GRHL2: variants seen among roughly 807,000 people sequenced by gnomAD.
GRHL2 encodes the protein grainyhead-like protein 2 homolog.
Under a neutral mutation model 83.8 loss-of-function variants are expected in GRHL2, and 21 were observed. That is an observed-to-expected ratio of 0.25 (90% CI 0.18 to 0.36). GRHL2 has a LOEUF of 0.36. Ranked by LOEUF, GRHL2 falls within the 10% of genes least tolerant of loss-of-function variation. The probability of loss-of-function intolerance (pLI) is 1.00; values close to 1 mark genes in which losing one functional copy is unlikely to be tolerated. For missense variants in GRHL2, 623 were observed against 781.8 expected, an observed-to-expected ratio of 0.80 and a Z score of 2.42; for synonymous variants, 280 against 278.9, an observed-to-expected ratio of 1.00 and a Z score of -0.04.
chr8:101,544,557 T>A (rs1291395316), intron 2 of GRHL2, among the ~76,000 whole-genome samples: 1 of 152,214 alleles, frequency 6.6e-6, no homozygotes, highest in African/African-American at 2.4e-5. Context: ...TTGACCAGTA[T>A]TTACTGAATG....
At chr8:101,504,517 C>T (rs968298128) in intron 1 of GRHL2, among the ~76,000 whole-genome samples, 3 of 152,060 alleles carry the variant, frequency 2.0e-5, no homozygotes, top group Non-Finnish European at 2.9e-5. Flanking sequence ...CCTCAGACCC[C>T]GCCTGAATGT....
intron 12 of GRHL2, among the ~76,000 whole-genome samples, chr8:101,642,762 G>A (rs1205144530): frequency 6.6e-6 from 1 of 152,136 alleles, no homozygotes; most frequent in Non-Finnish European, 1.5e-5. Flanking sequence ...ATTATCTCAG[G>A]GTTATTGAAT....
chr8:101,644,656 C>G (rs1813473035), intron 13 of GRHL2, among the ~76,000 whole-genome samples: 1 of 152,172 alleles, frequency 6.6e-6, no homozygotes, highest in Non-Finnish European at 1.5e-5. Context: ...AGTCAAAGGT[C>G]TTATTCTGCT....
At chr8:101,612,022 G>T (rs371326619) in intron 8 of GRHL2, among the ~76,000 whole-genome samples, 1 of 150,766 alleles carries the variant, frequency 6.6e-6, no homozygotes, top group Non-Finnish European at 1.5e-5. Flanking sequence ...CGCTCGCTCT[G>T]TCACCTAGGC....
chr8:101,562,811 A>T (rs1811635299), intron 4 of GRHL2, among the ~76,000 whole-genome samples: 1 of 152,154 alleles, frequency 6.6e-6, no homozygotes, highest in Non-Finnish European at 1.5e-5. Flanking sequence ...GATGGGGGTC[A>T]TTGGTTCTCT....
intron 8 of GRHL2, among the ~76,000 whole-genome samples, chr8:101,602,176 T>A (rs180925098): frequency 6.6e-6 from 1 of 152,368 alleles, no homozygotes; most frequent in East Asian, 1.9e-4. Flanking sequence ...ATTTTTTTTG[T>A]CTGCGGAGCC....
intron 5 of GRHL2, 129 bp downstream of exon 5, chr8:101,570,523 A>C (rs1811800562): frequency 1.2e-6 from 1 of 811,944 alleles, no homozygotes; most frequent in Non-Finnish European, 2.1e-6. Flanking sequence ...CCTTTGCCTC[A>C]GTGCTTTTTT....
At chr8:101,651,311 A>C (rs779164049) in intron 14 of GRHL2, among the ~76,000 whole-genome samples, 15 of 152,238 alleles carry the variant, frequency 9.9e-5, no homozygotes. Context: ...GCTTAAATGC[A>C]TATTCTCTGA....
At chr8:101,565,229 A>G (rs985500190) in intron 4 of GRHL2, among the ~76,000 whole-genome samples, 12 of 152,236 alleles carry the variant, frequency 7.9e-5, no homozygotes, top group African/African-American at 2.9e-4. Flanking sequence ...TAAATATACA[A>G]TGGAGTGGTA....
chr8:101,634,965 G>T (rs963995429), intron 11 of GRHL2, among the ~76,000 whole-genome samples: 1 of 152,114 alleles, frequency 6.6e-6, no homozygotes, highest in Non-Finnish European at 1.5e-5. Flanking sequence ...GCCTTTAAAG[G>T]TCATGAGATT....
At chr8:101,588,650 C>G (rs1220446769) in intron 7 of GRHL2, among the ~76,000 whole-genome samples, 1 of 152,182 alleles carries the variant, frequency 6.6e-6, no homozygotes, top group Non-Finnish European at 1.5e-5. Flanking sequence ...GCTTGTAGTT[C>G]AAATTTAGTG....
At chr8:101,661,406 G>C (rs1813918259) in intron 14 of GRHL2, among the ~76,000 whole-genome samples, 1 of 152,034 alleles carries the variant, frequency 6.6e-6, no homozygotes, top group Admixed American at 6.6e-5. Context: ...ACTAGTTCCA[G>C]GACACCTCCC....
At chr8:101,620,329 C>T (rs564800107) in intron 9 of GRHL2, among the ~76,000 whole-genome samples, 41 of 152,230 alleles carry the variant, frequency 2.7e-4, no homozygotes, top group African/African-American at 9.6e-4. Flanking sequence ...ATACATTGTG[C>T]TATAAGTTTG....
chr8:101,576,055 C>T (rs776943047), intron 6 of GRHL2, among the ~76,000 whole-genome samples: 4 of 152,248 alleles, frequency 2.6e-5, no homozygotes, highest in Admixed American at 6.5e-5. Context: ...CATGTATTTG[C>T]TGTCTGTTAT....
chr8:101,560,119 C>A (rs1176657915), intron 4 of GRHL2, among the ~76,000 whole-genome samples: 1 of 152,100 alleles, frequency 6.6e-6, no homozygotes, highest in Non-Finnish European at 1.5e-5. Flanking sequence ...GATTCTCCTG[C>A]CTCAGCCTCC....
intron 12 of GRHL2, among the ~76,000 whole-genome samples, chr8:101,638,832 A>G (rs1394076345): frequency 6.6e-6 from 1 of 152,222 alleles, no homozygotes; most frequent in Non-Finnish European, 1.5e-5. Flanking sequence ...TTAATGAGGC[A>G]CAATGTGGCG....
chr8:101,570,912 C>G (rs1444831413), intron 5 of GRHL2, among the ~76,000 whole-genome samples: 1 of 152,232 alleles, frequency 6.6e-6, no homozygotes, highest in African/African-American at 2.4e-5. Context: ...TCAACTTTCT[C>G]CTGAGCTATT....
chr8:101,678,440 G>A, the GRHL2 span, among the ~76,000 whole-genome samples: 7 of 152,106 alleles, frequency 4.6e-5, no homozygotes, highest in East Asian at 5.8e-4. Context: ...CTACGCCCAC[G>A]GAGTCTCGCT....
At chr8:101,625,147 A>C (rs1813056499) in intron 9 of GRHL2, among the ~76,000 whole-genome samples, 2 of 152,094 alleles carry the variant, frequency 1.3e-5, no homozygotes. Context: ...ATTCCAGGGG[A>C]GATTGTAGAA....
Sources: allele counts gnomAD v4.1 joint callset (sites outside exome capture counted in the v4.1 genomes callset), GRCh38; gene constraint gnomAD v4.1.1; transcripts MANE v1.5; gene names NCBI Gene and HGNC (gene_info 2026-07-23, HGNC 2026-07-21).